Variants in ZNF525 observed in about 807,000 individuals in gnomAD.
ZNF525 encodes zinc finger protein 525.
Under a neutral mutation model 37.6 loss-of-function variants are expected in ZNF525, and 33 were observed. That is an observed-to-expected ratio of 0.88 (90% CI 0.67 to 1.17). The LOEUF (loss-of-function observed/expected upper bound fraction) is 1.17, where lower values mean the gene tolerates loss of function less well. Among genes scored for constraint, ZNF525 ranks in the 50% most tolerant of loss-of-function variants. The probability of loss-of-function intolerance (pLI) is 0.00; values close to 1 mark genes in which losing one functional copy is unlikely to be tolerated. For synonymous variants in ZNF525, 170 were observed against 182.3 expected, an observed-to-expected ratio of 0.93 and a Z score of 0.54; for missense variants, 449 against 543.1, an observed-to-expected ratio of 0.83 and a Z score of 1.72.
intron 2 of ZNF525, among the ~76,000 whole-genome samples, chr19:53,373,794 C>T (rs1180220008): frequency 6.6e-6 from 1 of 151,408 alleles, no homozygotes; most frequent in East Asian, 1.9e-4. Context: ...TGCACTCCAG[C>T]CTGGGCACAG....
At position 53,381,544 on chromosome 19, in the gene ZNF525, C is replaced by T. The variant is rs2085563360; in HGVS notation, c.965C>T (p.Thr322Ile). 4 of 1,221,696 alleles carry T rather than the reference C, an allele frequency of 3.3e-6. No homozygotes were observed. Among genetic ancestry groups the T allele is most frequent in the Non-Finnish European group, 3.6e-6 (3 of 822,066 alleles). The allele number at this position is 1,221,696 out of a possible 1,614,324, so 75.7% of individuals were successfully genotyped here. Residue 322 changes from threonine (T) to isoleucine (I), a missense_variant, in exon 4 of 4, where the codon ACT becomes ATT. This residue lies in a region of ZNF525 where 178 missense variants were observed against 161.5 expected (regional missense o/e 1.10). Coordinates refer to ENST00000474037, the MANE Select transcript of ZNF525 (RefSeq NM_001348156.2). ...SALQRHRRIH[T>I]GEKPHKCNEC... ...CTTCAAAGACATAGGAGAATTCATA[C>T]TGGAGAGAAACCACATAAGTGTAAT...
chr19:53,365,917 C>A (rs530751144), intron 1 of ZNF525, among the ~76,000 whole-genome samples, 158 bp downstream of exon 1: 1 of 152,262 alleles, frequency 6.6e-6, no homozygotes, highest in African/African-American at 2.4e-5. Context: ...GGGTCACTTC[C>A]TTTTGGGTTT....
chr19:53,386,294 AT>A lies in ZNF525; in HGVS notation c.*4276del. 1 of 715,260 alleles carries A rather than the reference AT, an allele frequency of 1.4e-6. No individual in the cohort carries two copies. The highest frequency in any genetic ancestry group is 2.7e-5 in the East Asian group (1 of 36,384). The allele number at this position is 715,260 out of a possible 1,614,324, so 44.3% of individuals were successfully genotyped here. On this transcript the variant is annotated 3_prime_UTR_variant, in exon 4 of 4. Coordinates refer to ENST00000474037, the MANE Select transcript of ZNF525 (RefSeq NM_001348156.2). The stretch of plus-strand genomic sequence containing the variant: ...CTGGCCAAGAAACAAAAGCAAAACC[AT>A]CCCACTCCCCTGTGGATTCAGATCA...
intron 1 of ZNF525, among the ~76,000 whole-genome samples, chr19:53,365,979 A>G (rs1443505099): frequency 1.3e-5 from 2 of 151,948 alleles, no homozygotes; most frequent in African/African-American, 2.4e-5. Flanking sequence ...ATAGGGCAAT[A>G]TATACACTTT....
intron 2 of ZNF525, among the ~76,000 whole-genome samples, chr19:53,375,454 A>T (rs2085514547): frequency 6.6e-6 from 1 of 152,088 alleles, no homozygotes. Context: ...GCGTGGTGGC[A>T]TGCACCTGTA....
intron 1 of ZNF525, among the ~76,000 whole-genome samples, chr19:53,366,794 G>A (rs371689449): frequency 0.011 from 1,356 of 118,818 alleles, 21 homozygotes; most frequent in African/African-American, 0.035. Flanking sequence ...CAGAGAGTGG[G>A]GACAGGGGGT....
chr19:53,370,023 C>G (rs2085475932), intron 1 of ZNF525, among the ~76,000 whole-genome samples: 1 of 151,464 alleles, frequency 6.6e-6, no homozygotes, highest in Admixed American at 6.6e-5. Context: ...CGCGCCCGGC[C>G]AAGAAGTTTC....
At position 53,381,194 on chromosome 19, in the gene ZNF525, A is replaced by T. The variant is rs556692444; in HGVS notation, c.615A>T (p.Arg205Ser). ...TGAATTATTCATTACTCACACAAAGACAGGAAGTACGCATGAGAGAAAAAT... is the reference window on the plus strand; with the variant it reads ...TGAATTATTCATTACTCACACAAAGTCAGGAAGTACGCATGAGAGAAAAAT... ...NFLNYSLLTQ[R>S]QEVRMREKSF... Residue 205 changes from arginine to serine, a missense_variant, in exon 4 of 4, where the codon AGA becomes AGT. Around this residue, in one of 2 missense-constraint regions of ZNF525, gnomAD observed 271 missense variants for 381.6 expected, o/e 0.71. Transcript: ENST00000474037. 158 of 1,347,804 alleles carry T rather than the reference A, an allele frequency of 1.2e-4. 1 individual carries two copies. The Middle Eastern group carries it at 2.0e-3, about 17-fold the overall frequency. The allele number at this position is 1,347,804 out of a possible 1,614,324, so 83.5% of individuals were successfully genotyped here. A position where few individuals can be genotyped will look rare whatever the true frequency, so the allele number is the denominator to read the frequency against.
At chr19:53,374,514 C>T (rs1216988341) in intron 2 of ZNF525, among the ~76,000 whole-genome samples, 1 of 152,150 alleles carries the variant, frequency 6.6e-6, no homozygotes, top group East Asian at 1.9e-4. Flanking sequence ...AGGGTGATTG[C>T]TTCTTCTAGG....
chr19:53,372,451 T>C, intron 2 of ZNF525, 155 bp downstream of exon 2: 1 of 751,922 alleles, frequency 1.3e-6, no homozygotes, highest in South Asian at 1.4e-5. Flanking sequence ...CACTTAGATT[T>C]TATCTCTTGT....
chr19:53,377,034 G>C (rs1053288102), intron 3 of ZNF525, among the ~76,000 whole-genome samples: 1 of 152,118 alleles, frequency 6.6e-6, no homozygotes, highest in Non-Finnish European at 1.5e-5. Context: ...ATTTATGTCG[G>C]AATTATTTCT....
chr19:53,374,588 T>C (rs1326186749), intron 2 of ZNF525, among the ~76,000 whole-genome samples: 1 of 152,208 alleles, frequency 6.6e-6, no homozygotes, highest in African/African-American at 2.4e-5. Flanking sequence ...CGCCAAAGTG[T>C]CCTTTTCCAG....
chr19:53,378,783 C>A (rs572670571), intron 3 of ZNF525, among the ~76,000 whole-genome samples: 1 of 152,286 alleles, frequency 6.6e-6, no homozygotes, highest in East Asian at 1.9e-4. Context: ...GTAGTCAACA[C>A]CCGTGACCAA....
At position 53,382,210 on chromosome 19, in the gene ZNF525, T is replaced by C. The variant is rs2085571514; in HGVS notation, c.*191T>C. ...TCAAACCTTGAAAGACATAGGAGAA[T>C]TCACACTGGTGAGAAACCTTACAGG... On this transcript the variant is annotated 3_prime_UTR_variant, in exon 4 of 4. Coordinates refer to ENST00000474037, the MANE Select transcript of ZNF525 (RefSeq NM_001348156.2). The C allele has an allele frequency of 3.8e-6, 6 of 1,584,916 alleles. No individual in the cohort carries two copies. The highest frequency in any genetic ancestry group is 5.2e-6 in the Non-Finnish European group (6 of 1,153,960).
At chr19:53,370,751 C>A (rs578095454) in intron 1 of ZNF525, among the ~76,000 whole-genome samples, 1 of 152,308 alleles carries the variant, frequency 6.6e-6, no homozygotes, top group African/African-American at 2.4e-5. Context: ...CAGAGACTAT[C>A]TTCGGGGCCT....
chr19:53,370,574 C>A (rs903354104), intron 1 of ZNF525, among the ~76,000 whole-genome samples: 19 of 152,066 alleles, frequency 1.2e-4, no homozygotes, highest in Admixed American at 6.5e-4. Context: ...ACCCTGGCCC[C>A]TTAAATGGTT....
chr19:53,383,008 T>G lies in ZNF525; in HGVS notation c.*989T>G, dbSNP rs1231694992. The stretch of plus-strand genomic sequence containing the variant: ...ACAAGTGTAATGAATGTGGCAAGGT[T>G]TTTAATCGCAAAGCAAAGCTTGCAT... On this transcript the variant is annotated 3_prime_UTR_variant, in exon 4 of 4. Transcript: ENST00000474037. The G allele has an allele frequency of 6.0e-6, 9 of 1,498,612 alleles. No homozygotes were observed. Among genetic ancestry groups the G allele is most frequent in the Middle Eastern group, 1.8e-4 (1 of 5,714 alleles). 92.8% of individuals were successfully genotyped at this position (1,498,612 alleles called of 1,614,324 possible).
At chr19:53,369,891 A>AT (rs2085474353) in intron 1 of ZNF525, among the ~76,000 whole-genome samples, 2 of 142,924 alleles carry the variant, frequency 1.4e-5, no homozygotes, top group Admixed American at 6.9e-5. Flanking sequence ...CGCCCAGCTA[A>AT]TTTTTTGTAT....
Position 53,370,015 on chromosome 19 carries a change from C to T in ZNF525, c.-67-2200C>T, listed in dbSNP as rs533472588. ...CTGGGATTACAGGCGTGAGCCACCG[C>T]GCCCGGCCAAGAAGTTTCTTTAGCC... On this transcript the variant is annotated intron_variant, in intron 1 of 3. Transcript: ENST00000474037. 1.6e-3 allele frequency among the ~76,000 whole-genome samples: 241 copies of T among 151,340 alleles called. 1 individual carries two copies. Among genetic ancestry groups the T allele is most frequent in the African/African-American group, 3.9e-3 (161 of 41,324 alleles).
Sources: gnomAD v4.1 joint callset for allele counts (sites outside exome capture counted in the v4.1 genomes callset) on GRCh38, gnomAD v4.1.1 for gene constraint, gnomAD v4.1.1 regional missense constraint, MANE v1.5 for transcripts, NCBI Gene and HGNC (gene_info 2026-07-23, HGNC 2026-07-21) for gene names.